SALL4: variants seen among roughly 807,000 people sequenced by gnomAD.
SALL4 encodes the protein spalt like transcription factor 4, also known as sal-like protein 4.
In SALL4, 4 loss-of-function variants were observed where a neutral mutation model predicts 60.8. That is an observed-to-expected ratio of 0.07 (90% CI 0.03 to 0.15). The LOEUF (loss-of-function observed/expected upper bound fraction) is 0.15, where lower values mean the gene tolerates loss of function less well. SALL4 is among the 10% of genes least tolerant of loss of function. The pLI, the probability that SALL4 is intolerant of heterozygous loss-of-function variation, is 1.00. For synonymous variants in SALL4, 580 were observed against 574.9 expected (o/e 1.01, Z -0.13); for missense variants, 1,178 against 1,394.7 (o/e 0.84, Z 2.48).
chr20:51,789,923 G>T, intron 2 of SALL4, 99 bp downstream of exon 2: 1 of 1,470,070 alleles, frequency 6.8e-7, no homozygotes, highest in East Asian at 2.3e-5. Flanking sequence ...AGAAGGGGCT[G>T]CTTCAAGTCA....
At chr20:51,800,389 G>A (rs1031554268) in intron 1 of SALL4, among the ~76,000 whole-genome samples, 8 of 152,214 alleles carry the variant, frequency 5.3e-5, no homozygotes, top group Admixed American at 3.9e-4. Context: ...GTGATCAATA[G>A]CCAACTCCCC....
Position 51,791,506 on chromosome 20 carries a change from A to G in SALL4, c.977T>C (p.Val326Ala). The G allele has an allele frequency of 6.2e-7, 1 of 1,614,016 alleles. No homozygotes were observed. The highest frequency in any genetic ancestry group is 1.7e-5 in the Admixed American group (1 of 60,018). ...KPDGTRVLPNVMSRLPSALLP... is the reference protein window; with the variant it reads ...KPDGTRVLPNAMSRLPSALLP... ...CAAAGCGCTCGGGAGGCGGGACATG[A>G]CGTTCGGGAGCACCCGGGTCCCATC... Residue 326 changes from valine (V) to alanine (A), a missense_variant, in exon 2 of 4, where the codon GTC (valine) becomes GCC (alanine). Transcript: ENST00000217086. This position sits in a 1 kb window ranked among gnomAD's most constrained non-coding sequence, Gnocchi z 4.6.
At position 51,801,223 on chromosome 20, in the gene SALL4, G is replaced by A. The variant is rs1272555101; in HGVS notation, c.130+1056C>T. On this transcript the variant is annotated intron_variant, in intron 1 of 3. Coordinates refer to ENST00000217086, the MANE Select transcript of SALL4 (RefSeq NM_020436.5). This position sits in a 1 kb window ranked among gnomAD's most constrained non-coding sequence, Gnocchi z 5.2. ...CCGCCTCGCTCCTAAAACCTCCGCG[G>A]TGAAGTGATGAAGTGGGAACAGAGT... Among the ~76,000 whole-genome samples, 2 of 152,184 alleles carry A rather than the reference G, an allele frequency of 1.3e-5. No individual in the cohort carries two copies. The highest frequency in any genetic ancestry group is 2.9e-5 in the Non-Finnish European group (2 of 68,038).
Position 51,790,111 on chromosome 20 carries a change from G to C in SALL4, c.2372C>G (p.Ala791Gly). The stretch of plus-strand genomic sequence containing the variant: ...CTTGATGCTTTCGGCTTGACTATTG[G>C]CCGGGGAGAGTGCCTGGAAGGATGT... ...ETTSFQALSP[A>G]NSQAESIKSK... The change falls in exon 2 of 4, where the codon GCC (alanine) becomes GGC (glycine). Residue 791 changes from alanine to glycine, a missense_variant. Physicochemically the swap from Ala to Gly is moderately conservative, Grantham distance 60. This residue lies in a region of SALL4 where 853 missense variants were observed against 1,036.8 expected (regional missense o/e 0.82). Coordinates refer to ENST00000217086, the MANE Select transcript of SALL4 (RefSeq NM_020436.5). The surrounding 1 kb of genome is among the most constrained non-coding windows in gnomAD (Gnocchi z 5.5). 1.9e-6 allele frequency: 3 copies of C among 1,614,168 alleles called. No individual in the cohort carries two copies. The highest frequency in any genetic ancestry group is 2.5e-6 in the Non-Finnish European group (3 of 1,180,046).
At chr20:51,794,845 AC>A (rs1313106155) in intron 1 of SALL4, among the ~76,000 whole-genome samples, 1 of 151,998 alleles carries the variant, frequency 6.6e-6, no homozygotes, top group Non-Finnish European at 1.5e-5. Context: ...CAGTTCCCAC[AC>A]CCTCTATTGG....
chr20:51,794,950 C>T (rs2078070824), intron 1 of SALL4, among the ~76,000 whole-genome samples: 1 of 152,104 alleles, frequency 6.6e-6, no homozygotes, highest in East Asian at 1.9e-4. Context: ...ACAGGAAAGC[C>T]TGGGAGGTTG....
rs1330469595 is a variant in SALL4, at chr20:51,788,095, A to G, written c.2742+766T>C. 6.6e-6 allele frequency among the ~76,000 whole-genome samples: 1 copy of G among 151,150 alleles called. No individual in the cohort carries two copies. The highest frequency in any genetic ancestry group is 6.6e-5 in the Admixed American group (1 of 15,172). On this transcript the variant is annotated intron_variant, in intron 3 of 3. Transcript: ENST00000217086. This position sits in a 1 kb window ranked among gnomAD's most constrained non-coding sequence, Gnocchi z 4.1. ...TGCCTTGGCCTCTCAAAGTACTCAG[A>G]TTATGGGTGCTGAGCCACTGCACCC... is the stretch of plus-strand genomic sequence containing the variant.
At position 51,791,232 on chromosome 20, in the gene SALL4, A is replaced by C; in HGVS notation, c.1251T>G (p.His417Gln). The C allele has an allele frequency of 1.2e-6, 2 of 1,614,082 alleles. No individual in the cohort carries two copies. Among genetic ancestry groups the C allele is most frequent in the Non-Finnish European group, 1.7e-6 (2 of 1,180,016 alleles). ...ERPFVCSVCG[H>Q]RFTTKGNLKV... is the part of the protein sequence containing the mutation. Reference sequence around the variant, plus strand: ...TGAGGTTGCCCTTGGTGGTGAAGCGATGACCACAGACAGAGCACACGAAGG... The same window carrying C: ...TGAGGTTGCCCTTGGTGGTGAAGCGCTGACCACAGACAGAGCACACGAAGG... The change falls in exon 2 of 4, where the codon CAT becomes CAG. Residue 417 changes from histidine (H) to glutamine (Q), a missense_variant. Coordinates refer to ENST00000217086, the MANE Select transcript of SALL4 (RefSeq NM_020436.5). The surrounding 1 kb of genome is among the most constrained non-coding windows in gnomAD (Gnocchi z 4.6).
intron 2 of SALL4, among the ~76,000 whole-genome samples, chr20:51,789,432 C>T (rs1049544318): frequency 2.6e-5 from 4 of 152,030 alleles, no homozygotes; most frequent in Non-Finnish European, 5.9e-5. Flanking sequence ...ACCTTTAAAG[C>T]ATATGCCCAG....
chr20:51,790,645 A>T lies in SALL4; in HGVS notation c.1838T>A (p.Leu613His). The change falls in exon 2 of 4, where the codon CTT becomes CAT. Residue 613 changes from leucine to histidine, a missense_variant. Physicochemically the swap from Leu to His is moderately conservative, Grantham distance 99. Around this residue, in one of 5 missense-constraint regions of SALL4, gnomAD observed 853 missense variants for 1,036.8 expected, o/e 0.82. Coordinates refer to ENST00000217086, the MANE Select transcript of SALL4 (RefSeq NM_020436.5). This position sits in a 1 kb window ranked among gnomAD's most constrained non-coding sequence, Gnocchi z 5.5. ...FSTKGNLKTH[L>H]GVHRTNTSIK... ...GGATGTGTTGGTTCGGTGAACCCCA[A>T]GGTGTGTCTTCAGGTTACCTTTGGT... is the stretch of plus-strand genomic sequence containing the variant. 1 of 1,614,136 alleles carries T rather than the reference A, an allele frequency of 6.2e-7. No individual in the cohort carries two copies.
chr20:51,798,883 A>C (rs888333197), intron 1 of SALL4, among the ~76,000 whole-genome samples: 2 of 152,048 alleles, frequency 1.3e-5, no homozygotes, highest in Non-Finnish European at 2.9e-5. Flanking sequence ...AACAAAAAAA[A>C]CAGTTCCTTG....
Position 51,784,093 on chromosome 20 carries a change from G to C in SALL4, c.*172C>G. 1 of 720,020 alleles carries C rather than the reference G, an allele frequency of 1.4e-6. No individual in the cohort carries two copies. Among genetic ancestry groups the C allele is most frequent in the South Asian group, 1.7e-5 (1 of 57,334 alleles). The allele number at this position is 720,020 out of a possible 1,614,324, so 44.6% of individuals were successfully genotyped here. ...TTTCAACTTTTTGCAAAGCAGCATA[G>C]CAACAATCGTGATTGTAGCACTTGC... On this transcript the variant is annotated 3_prime_UTR_variant, in exon 4 of 4. Coordinates refer to ENST00000217086, the MANE Select transcript of SALL4 (RefSeq NM_020436.5).
In SALL4 at chr20:51,791,921, C is replaced by T; in HGVS notation, c.562G>A (p.Gly188Ser). The T allele has an allele frequency of 6.2e-7, 1 of 1,614,194 alleles. No individual in the cohort carries two copies. Among genetic ancestry groups the T allele is most frequent in the Non-Finnish European group, 8.5e-7 (1 of 1,180,034 alleles). The part of the protein sequence containing the change: ...NTNVTLQALR[G>S]TKVAVNQRSA... ...CGCTGATTCACCGCCACCTTGGTGC[C>T]CCGTAGTGCCTGCAAGGTCACATTA... The change falls in exon 2 of 4, where the codon GGC becomes AGC. Residue 188 changes from glycine to serine, a missense_variant. Gly to Ser is a moderately conservative substitution (Grantham distance 56). Transcript: ENST00000217086. This position sits in a 1 kb window ranked among gnomAD's most constrained non-coding sequence, Gnocchi z 4.6.
At position 51,784,525 on chromosome 20, in the gene SALL4, C is replaced by T. The variant is rs199529190; in HGVS notation, c.2902G>A (p.Val968Met). ...AGCATGCTGGTGTACTGGTTCCACA[C>T]AACAGGGTCCACATTCACTGAAGGG... ...LAPSVNVDPV[V>M]WNQYTSMLNG... Residue 968 changes from valine (V) to methionine (M), a missense_variant, in exon 4 of 4, where the codon GTG becomes ATG. Physicochemically the swap from Val to Met is conservative, Grantham distance 21. Transcript: ENST00000217086. The T allele has an allele frequency of 3.1e-6, 5 of 1,614,058 alleles. No individual in the cohort carries two copies. In the South Asian group the frequency reaches 4.4e-5, roughly 14 times the overall value.
Position 51,784,388 on chromosome 20 carries a change from G to C in SALL4, c.3039C>G (p.Val1013=), listed in dbSNP as rs1004033300. Residue 1013 remains valine, a synonymous_variant, in exon 4 of 4, where the codon GTC becomes GTG. Transcript: ENST00000217086. ...CCGACTGGGAGCCATCCATCTTGGA[G>C]ACAGTGGCGTTATTCACAACGGAGG... ...GATSVVNNAT[V]SKMDGSQSGI... 3 of 1,614,174 alleles carry C rather than the reference G, an allele frequency of 1.9e-6. No individual in the cohort carries two copies. The highest frequency in any genetic ancestry group is 2.5e-6 in the Non-Finnish European group (3 of 1,180,028).
At chr20:51,793,736 C>T (rs6021440) in intron 1 of SALL4, among the ~76,000 whole-genome samples, 41 of 152,332 alleles carry the variant, frequency 2.7e-4, no homozygotes, top group African/African-American at 9.9e-4. Context: ...GCCAAAGCCA[C>T]GGACTTTTGA....
chr20:51,787,589 G>A (rs2078002108), intron 3 of SALL4, among the ~76,000 whole-genome samples: 1 of 152,174 alleles, frequency 6.6e-6, no homozygotes, highest in African/African-American at 2.4e-5. Context: ...GACCTTACTA[G>A]CACCTGGCTG....
chr20:51,788,958 G>A lies in SALL4; in HGVS notation c.2645C>T (p.Ala882Val). 6.2e-7 allele frequency: 1 copy of A among 1,614,234 alleles called. No individual in the cohort carries two copies. Among genetic ancestry groups the A allele is most frequent in the South Asian group, 1.1e-5 (1 of 91,080 alleles). ...CTRCGKNFSSASALQIHERTH... is the reference protein window; with the variant it reads ...CTRCGKNFSSVSALQIHERTH... ...CCGCTCGTGGATCTGAAGAGCGCTAGCAGACGAGAAGTTCTTCCCACACCG... is the reference window on the plus strand; with the variant it reads ...CCGCTCGTGGATCTGAAGAGCGCTAACAGACGAGAAGTTCTTCCCACACCG... Residue 882 changes from alanine (A) to valine (V), a missense_variant, in exon 3 of 4, where the codon GCT becomes GTT. Ala to Val is a moderately conservative substitution (Grantham distance 64). Around this residue, in one of 5 missense-constraint regions of SALL4, gnomAD observed 37 missense variants for 73.5 expected, o/e 0.50. Transcript: ENST00000217086. The surrounding 1 kb of genome is among the most constrained non-coding windows in gnomAD (Gnocchi z 4.1).
chr20:51,792,090 G>C lies in SALL4; in HGVS notation c.393C>G (p.Asp131Glu), dbSNP rs760207752. The change falls in exon 2 of 4, where the codon GAC (aspartate) becomes GAG (glutamate). Residue 131 changes from aspartate to glutamate, a missense_variant. Transcript: ENST00000217086. ...AGCTGCCGCCATTCTCCCTGTGACA[G>C]TCCTTACTGCCGGGACTGGTGGGCT... ...SHQPTSPGSK[D>E]CHRENGGSSE... 6.2e-7 allele frequency: 1 copy of C among 1,614,188 alleles called. No homozygotes were observed. Among genetic ancestry groups the C allele is most frequent in the Admixed American group, 1.7e-5 (1 of 60,010 alleles).
Sources: gnomAD v4.1 joint callset for allele counts (sites outside exome capture counted in the v4.1 genomes callset) on GRCh38, gnomAD v4.1.1 for gene constraint, gnomAD v4.1.1 regional missense constraint, Gnocchi (gnomAD v3.1) non-coding constraint, MANE v1.5 for transcripts, NCBI Gene and HGNC (gene_info 2026-07-23, HGNC 2026-07-21) for gene names.